SEMA4B: variants seen among roughly 807,000 people sequenced by gnomAD.
The protein encoded by SEMA4B is semaphorin 4B, also known as semaphorin-4B.
A neutral mutation model predicts 88.1 loss-of-function variants in SEMA4B; 55 were observed. That is an observed-to-expected ratio of 0.62 (90% CI 0.50 to 0.78). The LOEUF (loss-of-function observed/expected upper bound fraction) is 0.78, where lower values mean the gene tolerates loss of function less well. Among genes scored for constraint, SEMA4B ranks in the 30% least tolerant of loss-of-function variants. SEMA4B has a pLI of 0.00. For synonymous variants in SEMA4B, 525 were observed against 473.6 expected (o/e 1.11, Z -1.41); for missense variants, 1,062 against 1,111.9 (o/e 0.96, Z 0.64).
rs947217513 is a variant in SEMA4B, at chr15:90,222,089, G to C, written c.861+324G>C. Among the ~76,000 whole-genome samples the C allele has an allele frequency of 8.6e-5, 13 of 151,082 alleles. 1 individual carries two copies. The highest frequency in any genetic ancestry group is 3.2e-4 in the African/African-American group (13 of 41,172). The stretch of plus-strand genomic sequence containing the variant: ...CGAGTAGCTGAGACTACAGGTGTGC[G>C]CCCCCATGCCCAGCTAATTTTTGTA... On this transcript the variant is annotated intron_variant, in intron 7 of 13. Coordinates refer to ENST00000411539, the MANE Select transcript of SEMA4B (RefSeq NM_198925.4).
chr15:90,223,312 G>A (rs1961960016), intron 7 of SEMA4B, among the ~76,000 whole-genome samples: 1 of 152,096 alleles, frequency 6.6e-6, no homozygotes, highest in Non-Finnish European at 1.5e-5. Flanking sequence ...GGGTCCTTTG[G>A]CTTCCTTGTT....
At chr15:90,217,306 C>T (rs1961577484) in intron 1 of SEMA4B, 133 bp from the exon 2 acceptor site, 5 of 803,654 alleles carry the variant, frequency 6.2e-6, no homozygotes, top group African/African-American at 5.2e-5. Flanking sequence ...ATCCCCCTGC[C>T]CCCAGCCCCT....
Position 90,201,542 on chromosome 15 carries a change from G to A in SEMA4B, c.-37G>A. ...CCGTGAGTCCGGCCGAGCCACCTGAGCCCGAGCCGCGGGACACCGTCGCTC... is the reference window on the plus strand; with the variant it reads ...CCGTGAGTCCGGCCGAGCCACCTGAACCCGAGCCGCGGGACACCGTCGCTC... On this transcript the variant is annotated 5_prime_UTR_variant, in exon 1 of 14. Coordinates refer to ENST00000411539, the MANE Select transcript of SEMA4B (RefSeq NM_198925.4). The A allele has an allele frequency of 7.0e-7, 1 of 1,421,564 alleles. No homozygotes were observed. The highest frequency in any genetic ancestry group is 9.2e-7 in the Non-Finnish European group (1 of 1,091,906). The allele number at this position is 1,421,564 out of a possible 1,614,324, so 88.1% of individuals were successfully genotyped here.
intron 1 of SEMA4B, among the ~76,000 whole-genome samples, chr15:90,205,151 G>A (rs181390865): frequency 2.0e-5 from 3 of 152,354 alleles, no homozygotes; most frequent in Admixed American, 2.0e-4. Context: ...TTCTGAAGCA[G>A]ATTGGACAGA....
chr15:90,191,229 C>T lies in SEMA4B; in HGVS notation c.-122+6148C>T, dbSNP rs1416642956. Reference sequence around the variant, plus strand: ...TGGGGGTGGTGCTGGGTGTCAGGCTCCTCACCACAGCGGACGCACCTGGGA... The same window carrying T: ...TGGGGGTGGTGCTGGGTGTCAGGCTTCTCACCACAGCGGACGCACCTGGGA... On this transcript the variant is annotated intron_variant, in intron 1 of 14. Transcript: ENST00000332496. Among the ~76,000 whole-genome samples the T allele has an allele frequency of 1.1e-4, 16 of 152,196 alleles. 1 individual carries two copies. The highest frequency in any genetic ancestry group is 1.0e-3 in the Admixed American group (16 of 15,282).
rs544922585 is a variant in SEMA4B, at chr15:90,206,660, C to G, written c.157+4925C>G. ...GAAGACAGCCCTCATCCACGATGGC[C>G]TAGCACATGGAATTCGCAAAGCTAC... is the stretch of plus-strand genomic sequence containing the variant. On this transcript the variant is annotated intron_variant, in intron 1 of 13. Transcript: ENST00000411539. 6 of 679,908 alleles carry G rather than the reference C, an allele frequency of 8.8e-6. No homozygotes were observed. In the Admixed American group the frequency reaches 1.3e-4, roughly 14 times the overall value. 42.1% of individuals were successfully genotyped at this position (679,908 alleles called of 1,614,324 possible).
rs564973064 is a variant in SEMA4B at position 90,218,165 on chromosome 15, CGTGAA to C, written c.384+337_384+341del. The stretch of plus-strand genomic sequence containing the variant: ...CAAGACCTAACAAGTCAGCTTCCAG[CGTGAA>C]CAGAGATTGGGTGGGGTGAGAGTTG... On this transcript the variant is annotated intron_variant, in intron 3 of 13. Coordinates refer to ENST00000411539, the MANE Select transcript of SEMA4B (RefSeq NM_198925.4). Among the ~76,000 whole-genome samples the C allele has an allele frequency of 2.9e-3, 435 of 152,270 alleles. 3 individuals are homozygous for C. The highest frequency in any genetic ancestry group is 0.01 in the African/African-American group (429 of 41,550).
chr15:90,221,809 A>C lies in SEMA4B; in HGVS notation c.861+44A>C, dbSNP rs8029653. ...CAGGGTGGCCACCCCAGGGACCTCAAAGCCTCCACAGCTGCAAGATCACCC... is the reference window on the plus strand; with the variant it reads ...CAGGGTGGCCACCCCAGGGACCTCACAGCCTCCACAGCTGCAAGATCACCC... On this transcript the variant is annotated intron_variant, in intron 7 of 13. Transcript: ENST00000411539. The C allele has an allele frequency of 5.2e-4, 821 of 1,594,082 alleles. 7 individuals are homozygous for C. In the South Asian group the frequency reaches 8.8e-3, roughly 17 times the overall value.
intron 1 of SEMA4B, 87 bp from the exon 2 acceptor site, chr15:90,217,352 C>A: frequency 1.4e-6 from 2 of 1,407,144 alleles, no homozygotes; most frequent in Non-Finnish European, 9.6e-7. Context: ...GATTACCTTC[C>A]TTTAAACCAG....
At position 90,222,753 on chromosome 15, in the gene SEMA4B, A is replaced by G. The variant is rs375834944; in HGVS notation, c.862-806A>G. On this transcript the variant is annotated intron_variant, in intron 7 of 13. Transcript: ENST00000411539. Reference sequence around the variant, plus strand: ...TTAACAGTTTCCTCTTCTGTTAAATAGGAAGAATAACACTGACCTCAGAGT... The same window carrying G: ...TTAACAGTTTCCTCTTCTGTTAAATGGGAAGAATAACACTGACCTCAGAGT... 1.7e-4 allele frequency among the ~76,000 whole-genome samples: 26 copies of G among 152,162 alleles called. No homozygotes were observed. The East Asian group carries it at 3.1e-3, about 18-fold the overall frequency.
chr15:90,199,481 C>A (rs533298662), upstream of SEMA4B, among the ~76,000 whole-genome samples: 1 of 152,032 alleles, frequency 6.6e-6, no homozygotes, highest in African/African-American at 2.4e-5. Flanking sequence ...AGATCAGGAG[C>A]TTAGTTTGGG....
At chr15:90,222,533 G>A (rs1478810484) in intron 7 of SEMA4B, among the ~76,000 whole-genome samples, 4 of 151,696 alleles carry the variant, frequency 2.6e-5, no homozygotes, top group Non-Finnish European at 5.9e-5. Context: ...TGGTGCCACT[G>A]CACTCCAGCC....
Position 90,228,678 on chromosome 15 carries a change from G to T in SEMA4B, c.*35G>T. On this transcript the variant is annotated 3_prime_UTR_variant, in exon 14 of 14. Transcript: ENST00000411539. ...TCCAGAGGACGCTGCCCTGGCTTCA[G>T]GGGCTGTGAATGCTCGGAGAGGGTC... The T allele has an allele frequency of 6.2e-7, 1 of 1,611,648 alleles. No homozygotes were observed. Among genetic ancestry groups the T allele is most frequent in the Non-Finnish European group, 8.5e-7 (1 of 1,179,484 alleles).
In SEMA4B at chr15:90,228,154, G is replaced by A. The variant is rs764545512; in HGVS notation, c.2025G>A (p.Val675=). The change falls in exon 14 of 14, where the codon GTG becomes GTA. Residue 675 remains valine (V), a synonymous_variant. Coordinates refer to ENST00000411539, the MANE Select transcript of SEMA4B (RefSeq NM_198925.4). ...TAGCCAGCTACTGCCCAGAGGTGGT[G>A]GAGGACGGGGTGGCAGACCAAACAG... ...QLVASYCPEV[V]EDGVADQTDE... is the part of the protein sequence containing the mutation. 4 of 1,610,802 alleles carry A rather than the reference G, an allele frequency of 2.5e-6. No homozygotes were observed. Among genetic ancestry groups the A allele is most frequent in the Non-Finnish European group, 2.5e-6 (3 of 1,178,616 alleles).
At chr15:90,203,039 A>T (rs1331141343) in intron 1 of SEMA4B, among the ~76,000 whole-genome samples, 1 of 152,200 alleles carries the variant, frequency 6.6e-6, no homozygotes, top group Admixed American at 6.5e-5. Flanking sequence ...TGATTTCTTC[A>T]TCTGTAAAAC....
Position 90,218,920 on chromosome 15 carries a change from G to A in SEMA4B, c.385-873G>A, listed in dbSNP as rs563714250. Reference sequence around the variant, plus strand: ...AAAAGTGACATTTGAGCCAAGATCAGGAGAGAGTGAGGAGCTGACAGTGGC... The same window carrying A: ...AAAAGTGACATTTGAGCCAAGATCAAGAGAGAGTGAGGAGCTGACAGTGGC... On this transcript the variant is annotated intron_variant, in intron 3 of 13. Coordinates refer to ENST00000411539, the MANE Select transcript of SEMA4B (RefSeq NM_198925.4). Among the ~76,000 whole-genome samples the A allele has an allele frequency of 5.3e-5, 8 of 152,330 alleles. No individual in the cohort carries two copies. In the South Asian group the frequency reaches 1.7e-3, roughly 32 times the overall value.
Position 90,225,343 on chromosome 15 carries a change from G to A in SEMA4B, c.1467G>A (p.Leu489=), listed in dbSNP as rs1335630742. Residue 489 remains leucine, a synonymous_variant, in exon 11 of 14, where the codon CTG becomes CTA. Transcript: ENST00000411539. ...CCCGGGTGCACATCATTGAGGAGCT[G>A]CAGATCTTCTCATCGGGACAGCCCG... ...VGPRVHIIEE[L]QIFSSGQPVQ... is the part of the protein sequence containing the mutation. 4.5e-6 allele frequency: 7 copies of A among 1,557,872 alleles called. No homozygotes were observed. Among genetic ancestry groups the A allele is most frequent in the South Asian group, 1.2e-5 (1 of 84,538 alleles).
intron 2 of SEMA4B, 61 bp downstream of exon 2, chr15:90,217,663 G>C (rs777403006): frequency 6.2e-7 from 1 of 1,605,034 alleles, no homozygotes; most frequent in African/African-American, 1.3e-5. Flanking sequence ...GAAGATGGAC[G>C]GGAAGCTTGA....
intron 9 of SEMA4B, among the ~76,000 whole-genome samples, 199 bp from the exon 10 acceptor site, chr15:90,224,769 G>A (rs764095711): frequency 3.9e-5 from 6 of 152,168 alleles, no homozygotes; most frequent in Admixed American, 2.6e-4. Flanking sequence ...AGCCCTCCAA[G>A]CACTCGGTTT....
Sources: allele counts gnomAD v4.1 joint callset (sites outside exome capture counted in the v4.1 genomes callset), GRCh38; gene constraint gnomAD v4.1.1; transcripts MANE v1.5; gene names NCBI Gene and HGNC (gene_info 2026-07-23, HGNC 2026-07-21).